MAP4K4: variants seen among roughly 807,000 people sequenced by gnomAD.
MAP4K4 encodes the protein HPK/GCK-like kinase HGK.
MAP4K4 carries 38 observed loss-of-function variants against 189.6 expected under a neutral mutation model. That is an observed-to-expected ratio of 0.20 (90% CI 0.15 to 0.26). The LOEUF is 0.26. Ranked by LOEUF, MAP4K4 falls within the 10% of genes least tolerant of loss-of-function variation. The pLI, the probability that MAP4K4 is intolerant of heterozygous loss-of-function variation, is 1.00. For missense variants in MAP4K4, 1,054 were observed against 1,726.9 expected (o/e 0.61, Z 6.91); for synonymous variants, 610 against 624.3 (o/e 0.98, Z 0.34).
At chr2:101,826,191 A>G (rs1158084566) in intron 5 of MAP4K4, among the ~76,000 whole-genome samples, 1 of 152,196 alleles carries the variant, frequency 6.6e-6, no homozygotes, top group African/African-American at 2.4e-5. Context: ...AGTTAAATTG[A>G]AGCCCAATTC....
At chr2:101,736,265 A>C (rs1253517291) in intron 2 of MAP4K4, among the ~76,000 whole-genome samples, 1 of 152,188 alleles carries the variant, frequency 6.6e-6, no homozygotes, top group Admixed American at 6.5e-5. Flanking sequence ...TGACAGTATA[A>C]AGACCAAGCT....
At chr2:101,802,619 C>T (rs2094473986) in intron 3 of MAP4K4, among the ~76,000 whole-genome samples, 1 of 152,176 alleles carries the variant, frequency 6.6e-6, no homozygotes, top group Non-Finnish European at 1.5e-5. Context: ...TTCTTCATGC[C>T]TTGACACAGC....
chr2:101,826,929 G>A lies in MAP4K4; in HGVS notation c.417+1500G>A, dbSNP rs114780735. Among the ~76,000 whole-genome samples the A allele has an allele frequency of 6.1e-3, 927 of 152,022 alleles. 10 individuals are homozygous for A. Among genetic ancestry groups the A allele is most frequent in the African/African-American group, 0.022 (896 of 41,442 alleles). ...CCTGGCCATACACATCCCCACCCAC[G>A]CACCCACACCCCTACTTTGCTTGTA... On this transcript the variant is annotated intron_variant, in intron 5 of 32. Transcript: ENST00000324219.
chr2:101,721,778 A>T (rs2052266129), intron 2 of MAP4K4, among the ~76,000 whole-genome samples: 1 of 152,146 alleles, frequency 6.6e-6, no homozygotes, highest in Non-Finnish European at 1.5e-5. Context: ...CCACCTGCTC[A>T]GAAGGAGGTG....
chr2:101,756,067 A>AGTAGATGG (rs916952669), intron 2 of MAP4K4, among the ~76,000 whole-genome samples: 3 of 149,876 alleles, frequency 2.0e-5, no homozygotes, highest in Admixed American at 6.7e-5. Flanking sequence ...CAGCCTCCTG[A>AGTAGATGG]GTAGATGGGA....
intron 2 of MAP4K4, among the ~76,000 whole-genome samples, chr2:101,769,365 G>C (rs1435484661): frequency 6.6e-6 from 1 of 152,166 alleles, no homozygotes; most frequent in African/African-American, 2.4e-5. Flanking sequence ...AGACATGAAA[G>C]TTTGTTCTTA....
At chr2:101,893,611 A>G (rs150673117) in exon 33 of MAP4K4, 81 of 176,348 alleles carry the variant, frequency 4.6e-4, no homozygotes, top group African/African-American at 1.7e-3. Context: ...GAAATGCTCA[A>G]TGTCTGATGC....
At chr2:101,794,345 G>A (rs1351099520) in intron 3 of MAP4K4, among the ~76,000 whole-genome samples, 2 of 152,142 alleles carry the variant, frequency 1.3e-5, no homozygotes, top group African/African-American at 4.8e-5. Flanking sequence ...GCAAATGATT[G>A]CTTTTACCAG....
intron 24 of MAP4K4, among the ~76,000 whole-genome samples, chr2:101,872,181 G>C (rs889898020): frequency 4.6e-5 from 7 of 151,458 alleles, no homozygotes; most frequent in Non-Finnish European, 7.4e-5. Flanking sequence ...TCTTGTTTGG[G>C]GGGTGGGTTG....
At chr2:101,835,005 C>T (rs1177176021) in intron 8 of MAP4K4, among the ~76,000 whole-genome samples, 1 of 152,176 alleles carries the variant, frequency 6.6e-6, no homozygotes, top group East Asian at 1.9e-4. Context: ...GCATTTTCTG[C>T]TGGTCCCCAT....
rs369904199 is a variant in MAP4K4, at chr2:101,779,907, A to G, written c.124-10813A>G. ...AATTAAGAGCTGTGTACAGACTTTG[A>G]ATACCAGAAGGAAAACAAATGCTGT... On this transcript the variant is annotated intron_variant, in intron 2 of 32. Coordinates refer to ENST00000324219, the Ensembl canonical transcript of MAP4K4. Among the ~76,000 whole-genome samples, 5 of 152,216 alleles carry G rather than the reference A, an allele frequency of 3.3e-5. No homozygotes were observed. The East Asian group carries it at 7.7e-4, about 24-fold the overall frequency.
intron 2 of MAP4K4, among the ~76,000 whole-genome samples, chr2:101,780,528 TAAAC>T (rs1366976680): frequency 6.6e-6 from 1 of 152,250 alleles, no homozygotes; most frequent in Non-Finnish European, 1.5e-5. Context: ...GCCATTATAA[TAAAC>T]AAGCTTTTTA....
At chr2:101,755,227 A>G (rs1034271380) in intron 2 of MAP4K4, among the ~76,000 whole-genome samples, 5 of 150,458 alleles carry the variant, frequency 3.3e-5, no homozygotes, top group African/African-American at 1.2e-4. Flanking sequence ...AGAGTGAAAA[A>G]TTTTTGTATT....
At chr2:101,777,961 C>T (rs1032961003) in intron 2 of MAP4K4, among the ~76,000 whole-genome samples, 8 of 152,120 alleles carry the variant, frequency 5.3e-5, no homozygotes, top group South Asian at 4.1e-4. Context: ...TTTAATATTA[C>T]GGATTTATCT....
intron 9 of MAP4K4, among the ~76,000 whole-genome samples, chr2:101,836,680 A>G (rs1437140805): frequency 2.6e-5 from 4 of 152,108 alleles, no homozygotes; most frequent in Non-Finnish European, 5.9e-5. Flanking sequence ...TACTGTAATT[A>G]TTATTATTTT....
chr2:101,828,804 T>C (rs1559100057), intron 5 of MAP4K4, among the ~76,000 whole-genome samples: 1 of 152,248 alleles, frequency 6.6e-6, no homozygotes, highest in Non-Finnish European at 1.5e-5. Context: ...GATGCATTGC[T>C]GTCTCTTGGA....
chr2:101,887,930 A>T, exon 31 of MAP4K4: 1 of 1,602,356 alleles, frequency 6.2e-7, no homozygotes, highest in East Asian at 2.2e-5. Flanking sequence ...AGATGCCTAC[A>T]TCAGTAGGTA....
intron 2 of MAP4K4, among the ~76,000 whole-genome samples, chr2:101,704,535 G>GTATATA (rs1559012729): frequency 2.6e-5 from 2 of 75,558 alleles, no homozygotes; most frequent in African/African-American, 1.3e-4. Context: ...GTGTGTGTGT[G>GTATATA]TGTGTGTATA....
At chr2:101,825,533 AT>A in intron 5 of MAP4K4, 104 bp downstream of exon 5, 1 of 602,736 alleles carries the variant, frequency 1.7e-6, no homozygotes, top group Non-Finnish European at 2.8e-6. Flanking sequence ...ATCTATATAG[AT>A]TATTCTCTTT....
Sources: allele counts gnomAD v4.1 joint callset (sites outside exome capture counted in the v4.1 genomes callset), GRCh38; gene constraint gnomAD v4.1.1; transcripts MANE v1.5; gene names NCBI Gene and HGNC (gene_info 2026-07-23, HGNC 2026-07-21).